TLK1: variants seen among roughly 807,000 people sequenced by gnomAD.
TLK1 encodes serine/threonine-protein kinase tousled-like 1.
In TLK1, 24 loss-of-function variants were observed where a neutral mutation model predicts 105.3. The observed-to-expected ratio is 0.23, with a 90% CI of 0.17 to 0.32. The LOEUF is 0.32. Among genes scored for constraint, TLK1 ranks in the 10% least tolerant of loss-of-function variants. TLK1 has a pLI of 1.00. For synonymous variants in TLK1, 321 were observed against 310.4 expected (o/e 1.03, Z -0.36); for missense variants, 558 against 910.5 (o/e 0.61, Z 4.98).
chr2:171,161,247 C>T (rs1465314141), upstream of TLK1, among the ~76,000 whole-genome samples: 2 of 151,538 alleles, frequency 1.3e-5, no homozygotes, highest in African/African-American at 4.8e-5. Context: ...CTGACTCCCC[C>T]TGTCTCCCGC....
chr2:171,093,609 G>A (rs561605329), intron 2 of TLK1, among the ~76,000 whole-genome samples: 112 of 151,786 alleles, frequency 7.4e-4, no homozygotes, highest in African/African-American at 2.4e-3. Context: ...GTAGGAATCC[G>A]AAAAATGTCA....
intron 1 of TLK1, among the ~76,000 whole-genome samples, chr2:171,127,277 CAAA>C (rs772854408): frequency 9.8e-5 from 5 of 51,208 alleles, no homozygotes; most frequent in Admixed American, 2.1e-4. Context: ...ACTCCCGTCT[CAAA>C]AAAAAAAAAA....
chr2:171,097,817 C>A (rs758874241), intron 2 of TLK1, among the ~76,000 whole-genome samples: 1 of 151,860 alleles, frequency 6.6e-6, no homozygotes, highest in African/African-American at 2.4e-5. Context: ...CCCTGCTACT[C>A]GGGAGGCTCA....
chr2:171,015,415 AACACACACACACACACACACAC>A (rs56238853), intron 12 of TLK1, among the ~76,000 whole-genome samples: 10 of 132,694 alleles, frequency 7.5e-5, no homozygotes, highest in East Asian at 2.3e-4. Context: ...TTGGAGTACA[AACACACACACACACACACACAC>A]ACACACACAC....
At chr2:171,159,946 G>A (rs1161322811) in intron 1 of TLK1, 1 of 222,992 alleles carries the variant, frequency 4.5e-6, no homozygotes, top group East Asian at 9.1e-5. Context: ...AGTACTGAGT[G>A]TACTGGCAAA....
At chr2:171,025,959 A>T (rs1174221849) in intron 12 of TLK1, among the ~76,000 whole-genome samples, 1 of 152,190 alleles carries the variant, frequency 6.6e-6, no homozygotes, top group Admixed American at 6.5e-5. Context: ...CACCCAAAAT[A>T]GTCTCTCAGA....
intron 4 of TLK1, among the ~76,000 whole-genome samples, chr2:171,058,664 C>T (rs574593873): frequency 3.9e-5 from 6 of 152,190 alleles, no homozygotes; most frequent in African/African-American, 7.2e-5. Flanking sequence ...GTAAATATTG[C>T]TCATATATGA....
intron 1 of TLK1, among the ~76,000 whole-genome samples, chr2:171,195,336 T>C (rs562604566): frequency 1.1e-3 from 165 of 152,022 alleles, no homozygotes; most frequent in African/African-American, 3.5e-3. Context: ...ACCCCGTCTC[T>C]ACTAAAACTA....
intron 2 of TLK1, among the ~76,000 whole-genome samples, chr2:171,114,987 T>C (rs1690347648): frequency 6.6e-6 from 1 of 152,122 alleles, no homozygotes; most frequent in African/African-American, 2.4e-5. Context: ...CTATAATAAA[T>C]TTGTGTTATC....
chr2:171,020,721 A>G lies in TLK1; in HGVS notation c.1237-5773T>C, dbSNP rs779401755. On this transcript the variant is annotated intron_variant, in intron 12 of 20. Transcript: ENST00000431350. ...AACCAACCAAAATAAAAGCCAGCCA[A>G]CCAACCAACCAACCAACCAACCAAA... 4.5e-4 allele frequency among the ~76,000 whole-genome samples: 68 copies of G among 150,168 alleles called. 1 individual carries two copies. The highest frequency in any genetic ancestry group is 4.6e-4 in the Admixed American group (7 of 15,214).
chr2:171,156,032 TC>T (rs1311502583), intron 1 of TLK1, among the ~76,000 whole-genome samples: 2 of 152,200 alleles, frequency 1.3e-5, no homozygotes, highest in Admixed American at 1.3e-4. Flanking sequence ...TTCCTGTAGG[TC>T]CTAGAGACAT....
chr2:171,207,574 T>C lies in TLK1; in HGVS notation c.-6+23571A>G, dbSNP rs149525588. Among the ~76,000 whole-genome samples, 226 of 152,282 alleles carry C rather than the reference T, an allele frequency of 1.5e-3. 1 individual carries two copies. Among genetic ancestry groups the C allele is most frequent in the African/African-American group, 5.1e-3 (210 of 41,572 alleles). ...ATCTGTTGTAACAGATGTACCACTGTGGTGTGGGATGTTGACAGTAGGGGA... is the reference window on the plus strand; with the variant it reads ...ATCTGTTGTAACAGATGTACCACTGCGGTGTGGGATGTTGACAGTAGGGGA... On this transcript the variant is annotated intron_variant, in intron 1 of 20. Transcript: ENST00000521943.
intron 3 of TLK1, chr2:171,066,931 T>C (rs2105454676): frequency 1.3e-6 from 2 of 1,544,904 alleles, no homozygotes; most frequent in East Asian, 2.4e-5. Flanking sequence ...CACTTTCAGA[T>C]AATTTATTCT....
At chr2:171,172,679 CTT>C (rs1353875479) in intron 1 of TLK1, among the ~76,000 whole-genome samples, 1 of 152,100 alleles carries the variant, frequency 6.6e-6, no homozygotes, top group Non-Finnish European at 1.5e-5. Context: ...ATTTCTCTCT[CTT>C]GCTCTTATTC....
chr2:171,033,448 G>A (rs1332624337), intron 11 of TLK1, among the ~76,000 whole-genome samples: 1 of 151,804 alleles, frequency 6.6e-6, no homozygotes, highest in Non-Finnish European at 1.5e-5. Flanking sequence ...GGGGCAAAAG[G>A]TGGGGTTGGT....
intron 2 of TLK1, among the ~76,000 whole-genome samples, chr2:171,116,917 T>C (rs368328257): frequency 1.3e-5 from 2 of 152,314 alleles, no homozygotes; most frequent in African/African-American, 4.8e-5. Context: ...TACCCTATGA[T>C]CTAGCAATTG....
In TLK1 at chr2:170,993,563, A is replaced by AT. The variant is rs1683886718; in HGVS notation, c.*216dup. On this transcript the variant is annotated 3_prime_UTR_variant, in exon 21 of 21. Coordinates refer to ENST00000431350, the MANE Select transcript of TLK1 (RefSeq NM_012290.5). Reference sequence around the variant, plus strand: ...AGTCATCCTTCCTTCACTGCTCAAAATTATAGTCAGAAGTGTGCATTTATT... The same window carrying AT: ...AGTCATCCTTCCTTCACTGCTCAAAATTTATAGTCAGAAGTGTGCATTTATT... The AT allele has an allele frequency of 5.0e-6, 2 of 396,226 alleles. No individual in the cohort carries two copies. Among genetic ancestry groups the AT allele is most frequent in the African/African-American group, 4.1e-5 (2 of 48,196 alleles). 24.5% of individuals were successfully genotyped at this position (396,226 alleles called of 1,614,324 possible).
intron 1 of TLK1, among the ~76,000 whole-genome samples, chr2:171,223,481 C>CT (rs71013025): frequency 0.9 from 114,341 of 126,892 alleles, 52,202 homozygotes; most frequent in Non-Finnish European, 0.97. Flanking sequence ...GTATTTTGCA[C>CT]TTTTTTTTTT....
intron 2 of TLK1, among the ~76,000 whole-genome samples, chr2:171,095,111 A>G (rs1233052154): frequency 6.6e-6 from 1 of 152,206 alleles, no homozygotes; most frequent in Non-Finnish European, 1.5e-5. Context: ...ATATCAAAAC[A>G]TATGAGATAA....
Sources: gnomAD v4.1 joint callset for allele counts (sites outside exome capture counted in the v4.1 genomes callset) on GRCh38, gnomAD v4.1.1 for gene constraint, MANE v1.5 for transcripts, NCBI Gene and HGNC (gene_info 2026-07-23, HGNC 2026-07-21) for gene names.